Variants in BCORL1 observed in about 807,000 individuals in gnomAD.
The protein encoded by BCORL1 is BCL6 corepressor like 1.
In BCORL1, 7 loss-of-function variants were observed where a neutral mutation model predicts 87.6. The ratio of observed to expected loss-of-function variants is 0.08; its 90% CI spans 0.05 to 0.15. The LOEUF (loss-of-function observed/expected upper bound fraction) is 0.15. Among genes scored for constraint, BCORL1 ranks in the 10% least tolerant of loss-of-function variants. The pLI is 1.00. For synonymous variants in BCORL1, 591 were observed against 634.4 expected (o/e 0.93, Z 1.03); for missense variants, 1,215 against 1,499.7 (o/e 0.81, Z 3.13).
rs1471341519 is a variant in BCORL1, at chrX:130,012,662, T to C, written c.171T>C (p.Phe57=). The C allele has an allele frequency of 2.2e-5, 26 of 1,208,052 alleles. No individual in the cohort carries two copies. Among genetic ancestry groups the C allele is most frequent in the Non-Finnish European group, 2.7e-5 (24 of 893,412 alleles). ...AGGAGTTTTGTGTCAGCAGCAGTTT[T>C]TCCAAGGTAAGAGGCTTTATGGAGC... ...GSQEFCVSSS[F]SKVELTAVGS... The change falls in exon 3 of 14, where the codon TTT becomes TTC. Residue 57 remains phenylalanine, a synonymous_variant. Coordinates refer to ENST00000540052, the MANE Select transcript of BCORL1 (RefSeq NM_001379451.1).
At chrX:130,040,622 T>C (rs775944953) in intron 11 of BCORL1, among the ~76,000 whole-genome samples, 2 of 112,413 alleles carry the variant, frequency 1.8e-5, no homozygotes, top group East Asian at 5.6e-4. Context: ...CCCCTGTCCT[T>C]GAGGCGCAGA....
chrX:130,044,997 C>T (rs939765132), intron 11 of BCORL1, among the ~76,000 whole-genome samples: 2 of 112,106 alleles, frequency 1.8e-5, no homozygotes, highest in Non-Finnish European at 3.8e-5. Context: ...TTTATTCATT[C>T]GTTCATCCGT....
At chrX:130,017,315 A>C (rs188577697) in intron 4 of BCORL1, among the ~76,000 whole-genome samples, 3 of 111,117 alleles carry the variant, frequency 2.7e-5, no homozygotes, top group East Asian at 5.6e-4. Flanking sequence ...GGTATGTCAG[A>C]GACACGTGAA....
chrX:129,998,448 C>T (rs1180887255), intron 1 of BCORL1, among the ~76,000 whole-genome samples: 8 of 111,562 alleles, frequency 7.2e-5, no homozygotes, highest in African/African-American at 2.0e-4. Context: ...AAACCAGCAG[C>T]GCTTACGAAG....
intron 4 of BCORL1, among the ~76,000 whole-genome samples, chrX:130,018,962 C>T (rs1314532748): frequency 8.9e-6 from 1 of 112,120 alleles, no homozygotes; most frequent in Non-Finnish European, 1.9e-5. Context: ...TCTCCTGTTG[C>T]CAATACCACC....
At position 130,056,497 on chromosome X, in the gene BCORL1, C is replaced by T. The variant is rs773260516; in HGVS notation, c.*361C>T. 1.7e-4 allele frequency: 27 copies of T among 160,740 alleles called. No homozygotes were observed. The highest frequency in any genetic ancestry group is 3.1e-4 in the Admixed American group (4 of 12,963). The allele number at this position is 160,740 out of a possible 1,213,427, so 13.2% of individuals were successfully genotyped here. Reference sequence around the variant, plus strand: ...GGCCCTGGATGGCCTTGGCCTGTCCCGAGGAGAAATGAGAAAATCCCAGAT... The same window carrying T: ...GGCCCTGGATGGCCTTGGCCTGTCCTGAGGAGAAATGAGAAAATCCCAGAT... On this transcript the variant is annotated 3_prime_UTR_variant, in exon 14 of 14. Transcript: ENST00000540052.
rs748162474 is a variant in BCORL1, at chrX:130,037,377, T to A, written c.4538T>A (p.Leu1513His). 1 of 1,209,644 alleles carries A rather than the reference T, an allele frequency of 8.3e-7. No individual in the cohort carries two copies. The highest frequency in any genetic ancestry group is 1.7e-5 in the African/African-American group (1 of 57,161). ...AARLGYKDVVLYCLQKDSEDV... is the reference protein window; with the variant it reads ...AARLGYKDVVHYCLQKDSEDV... The stretch of plus-strand genomic sequence containing the variant: ...TCCCTGTCCCCACAGGATGTTGTTC[T>A]CTACTGCCTCCAGAAAGACAGTGAA... The change falls in exon 10 of 14, where the codon CTC becomes CAC. Residue 1513 changes from leucine (L) to histidine (H), a missense_variant. This residue lies in a region of BCORL1 where 55 missense variants were observed against 115.1 expected (regional missense o/e 0.48). Transcript: ENST00000540052.
In BCORL1 at chrX:130,013,061, C is replaced by G. The variant is rs1378029544; in HGVS notation, c.289C>G (p.Pro97Ala). 2 of 1,209,547 alleles carry G rather than the reference C, an allele frequency of 1.7e-6. No homozygotes were observed. Among genetic ancestry groups the G allele is most frequent in the Non-Finnish European group, 2.2e-6 (2 of 894,385 alleles). ...KSEDKPDDPQPKMDYAGNVAE... is the reference protein window; with the variant it reads ...KSEDKPDDPQAKMDYAGNVAE... ...AGAAGACAAGCCTGACGATCCCCAG[C>G]CAAAAATGGACTACGCTGGGAACGT... Residue 97 changes from proline (P) to alanine (A), a missense_variant, in exon 4 of 14, where the codon CCA becomes GCA. Around this residue, in one of 5 missense-constraint regions of BCORL1, gnomAD observed 861 missense variants for 1,010.0 expected, o/e 0.85. Transcript: ENST00000540052.
At chrX:130,043,784 A>ATTTTTTTTTT (rs1163098654) in intron 11 of BCORL1, among the ~76,000 whole-genome samples, 1 of 15,974 alleles carries the variant, frequency 6.3e-5, no homozygotes, top group African/African-American at 4.7e-4. Context: ...ATATATATAT[A>ATTTTTTTTTT]TTTTTTTTTT....
At chrX:129,992,256 C>T (rs1171075591) in intron 1 of BCORL1, among the ~76,000 whole-genome samples, 1 of 110,610 alleles carries the variant, frequency 9.0e-6, no homozygotes, top group Non-Finnish European at 1.9e-5. Flanking sequence ...GGCAATGTAG[C>T]GAGACCCTGT....
chrX:130,050,000 A>G (rs1289272300), intron 11 of BCORL1, among the ~76,000 whole-genome samples: 3 of 111,607 alleles, frequency 2.7e-5, no homozygotes, highest in Non-Finnish European at 5.6e-5. Flanking sequence ...ATTGGAGCCC[A>G]GCCCGCGTGT....
At chrX:130,046,492 A>C (rs58401878) in intron 11 of BCORL1, among the ~76,000 whole-genome samples, 11,369 of 107,586 alleles carry the variant, frequency 0.11, 1,550 homozygotes, top group African/African-American at 0.36. Context: ...TTAAGTGATT[A>C]TCGTGCCTCA....
intron 2 of BCORL1, 97 bp from the exon 3 acceptor site, chrX:130,012,481 A>T (rs1215489278): frequency 1.0e-5 from 7 of 686,235 alleles, no homozygotes; most frequent in Non-Finnish European, 1.6e-5. Context: ...GGAAGGTTTT[A>T]TGGGGACCCA....
At chrX:130,039,807 C>T (rs1244843281) in intron 11 of BCORL1, among the ~76,000 whole-genome samples, 1 of 113,194 alleles carries the variant, frequency 8.8e-6, no homozygotes, top group Non-Finnish European at 1.9e-5. Context: ...CAGGGTCCCC[C>T]TTCCTTCCGT....
chrX:130,049,979 GGGAGTGGCGAATT>G (rs1237073222), intron 11 of BCORL1, among the ~76,000 whole-genome samples: 2 of 111,510 alleles, frequency 1.8e-5, no homozygotes, highest in Non-Finnish European at 3.8e-5. Flanking sequence ...AGGCTGGGTG[GGGAGTGGCGAATT>G]GGAGCCCAGC....
chrX:130,035,475 G>A (rs773834430), intron 9 of BCORL1, among the ~76,000 whole-genome samples: 1 of 111,885 alleles, frequency 8.9e-6, no homozygotes, highest in African/African-American at 3.2e-5. Context: ...TTTCCTCAGG[G>A]TATGCTCCTA....
chrX:129,980,821 G>A (rs1235214018), upstream of BCORL1, among the ~76,000 whole-genome samples: 3 of 104,477 alleles, frequency 2.9e-5, no homozygotes, highest in Non-Finnish European at 5.9e-5. Flanking sequence ...CGGGGGGCGA[G>A]TTCGGGGCAC....
intron 13 of BCORL1, 46 bp from the exon 14 acceptor site, chrX:130,055,808 C>G (rs753319858): frequency 8.6e-7 from 1 of 1,158,097 alleles, no homozygotes; most frequent in South Asian, 2.0e-5. Context: ...GTGCCCCCAC[C>G]GCTTCCTCCA....
In BCORL1 at chrX:130,057,118, C is replaced by T. The variant is rs947136419; in HGVS notation, c.*982C>T. On this transcript the variant is annotated 3_prime_UTR_variant, in exon 14 of 14. Transcript: ENST00000540052. ...CTGTCTCAAGATACTGAGCCTCTCA[C>T]CTCCCAGCCCTCAGCCACCCCCATC... 1.8e-5 allele frequency: 2 copies of T among 109,274 alleles called. No homozygotes were observed. Among genetic ancestry groups the T allele is most frequent in the Non-Finnish European group, 1.9e-5 (1 of 52,395 alleles). 9.0% of individuals were successfully genotyped at this position (109,274 alleles called of 1,213,427 possible).
Sources: allele counts gnomAD v4.1 joint callset (sites outside exome capture counted in the v4.1 genomes callset), GRCh38; gene constraint gnomAD v4.1.1; regional missense constraint gnomAD v4.1.1; transcripts MANE v1.5; gene names NCBI Gene and HGNC (gene_info 2026-07-23, HGNC 2026-07-21).